Variants in ARRB1 observed in about 807,000 individuals in gnomAD.
ARRB1 encodes the protein arrestin beta 1.
In ARRB1, 21 loss-of-function variants were observed where a neutral mutation model predicts 56.8. The ratio of observed to expected loss-of-function variants is 0.37; its 90% CI spans 0.26 to 0.53. The LOEUF (loss-of-function observed/expected upper bound fraction) is 0.53. ARRB1 is among the 20% of genes least tolerant of loss of function. ARRB1 has a pLI of 0.88. For synonymous variants in ARRB1, 210 were observed against 218.6 expected, an observed-to-expected ratio of 0.96 and a Z score of 0.35; for missense variants, 424 against 553.7, an observed-to-expected ratio of 0.77 and a Z score of 2.35.
chr11:75,332,816 A>G (rs957353461), intron 1 of ARRB1, among the ~76,000 whole-genome samples: 2 of 151,700 alleles, frequency 1.3e-5, no homozygotes, highest in African/African-American at 4.8e-5. Flanking sequence ...AATCACTTGA[A>G]CCCGGGAGGC....
chr11:75,302,567 A>G (rs1946929496), intron 1 of ARRB1, among the ~76,000 whole-genome samples: 1 of 152,208 alleles, frequency 6.6e-6, no homozygotes, highest in Non-Finnish European at 1.5e-5. Context: ...GCTGGCAGCC[A>G]AAAGGGCCCA....
At chr11:75,320,516 C>CTGGATAGCCCCACCAGAGA (rs1371273493) in intron 1 of ARRB1, among the ~76,000 whole-genome samples, 2 of 152,126 alleles carry the variant, frequency 1.3e-5, no homozygotes, top group Non-Finnish European at 2.9e-5. Flanking sequence ...GCTTGGGGGG[C>CTGGATAGCCCCACCAGAGA]TGGATAGCCC....
chr11:75,331,080 C>A (rs1489739274), intron 1 of ARRB1, among the ~76,000 whole-genome samples: 2 of 152,222 alleles, frequency 1.3e-5, no homozygotes, highest in South Asian at 4.1e-4. Flanking sequence ...GGCGCGATCT[C>A]GGCTTACCGC....
chr11:75,348,540 C>A (rs559548172), intron 1 of ARRB1, among the ~76,000 whole-genome samples: 1 of 152,258 alleles, frequency 6.6e-6, no homozygotes, highest in African/African-American at 2.4e-5. Context: ...TGATTGTTCC[C>A]AGAGCACCTT....
intron 1 of ARRB1, among the ~76,000 whole-genome samples, chr11:75,323,942 G>A (rs17133921): frequency 0.1 from 15,899 of 152,076 alleles, 1,044 homozygotes; most frequent in African/African-American, 0.18. Flanking sequence ...GAGATACTAC[G>A]AGTTAATAGC....
chr11:75,274,975 C>A (rs1302055942), intron 10 of ARRB1: 1 of 151,838 alleles, frequency 6.6e-6, no homozygotes, highest in Admixed American at 6.6e-5. Context: ...GTGGTGCACA[C>A]CTGTAGTCCT....
intron 1 of ARRB1, among the ~76,000 whole-genome samples, chr11:75,326,351 C>G (rs1378517265): frequency 4.6e-5 from 7 of 152,230 alleles, no homozygotes; most frequent in African/African-American, 1.7e-4. Context: ...GTGATAACAA[C>G]AGCAGCTAAC....
Position 75,260,368 on chromosome 11 carries a change from C to T in ARRB1, c.*5795G>A, listed in dbSNP as rs1443865564. On this transcript the variant is annotated 3_prime_UTR_variant, in exon 16 of 16. Transcript: ENST00000420843. ...CCAGGACACAACCCATGCAGGCCCC[C>T]ATTCCATAGGAAGAGGCAGGTCCCA... The T allele has an allele frequency of 6.6e-6, 1 of 152,268 alleles. No homozygotes were observed. Among genetic ancestry groups the T allele is most frequent in the African/African-American group, 2.4e-5 (1 of 41,462 alleles). The allele number at this position is 152,268 out of a possible 1,614,324, so 9.4% of individuals were successfully genotyped here. A position where few individuals can be genotyped will look rare whatever the true frequency, so the allele number is the denominator to read the frequency against.
chr11:75,266,616 G>A (rs1428138513), intron 15 of ARRB1, among the ~76,000 whole-genome samples: 1 of 152,178 alleles, frequency 6.6e-6, no homozygotes, highest in Non-Finnish European at 1.5e-5. Context: ...GCCAGAGGAA[G>A]GACTTATTCC....
intron 2 of ARRB1, among the ~76,000 whole-genome samples, chr11:75,288,041 A>C (rs1946523545): frequency 6.6e-6 from 1 of 151,956 alleles, no homozygotes; most frequent in Non-Finnish European, 1.5e-5. Flanking sequence ...TTTTGCATTT[A>C]TAGTAGAGAT....
chr11:75,309,154 C>T (rs1384242775), intron 1 of ARRB1, among the ~76,000 whole-genome samples: 2 of 152,242 alleles, frequency 1.3e-5, no homozygotes, highest in Non-Finnish European at 2.9e-5. Context: ...CTGGGGAGGC[C>T]AGAGGCCCAC....
Position 75,267,689 on chromosome 11 carries a change from T to A in ARRB1, c.1108A>T (p.Thr370Ser), listed in dbSNP as rs373898995. 64 of 1,466,900 alleles carry A rather than the reference T, an allele frequency of 4.4e-5. No individual in the cohort carries two copies. The African/African-American group carries it at 7.0e-4, about 16-fold the overall frequency. The allele number at this position is 1,466,900 out of a possible 1,614,324, so 90.9% of individuals were successfully genotyped here. A position where few individuals can be genotyped will look rare whatever the true frequency, so the allele number is the denominator to read the frequency against. Residue 370 changes from threonine to serine, a missense_variant, in exon 15 of 16, where the codon ACG (threonine) becomes TCG (serine). This residue lies in a region of ARRB1 where 121 missense variants were observed against 147.3 expected (regional missense o/e 0.82). Coordinates refer to ENST00000420843, the MANE Select transcript of ARRB1 (RefSeq NM_004041.5). ...PPHREVPENE[T>S]PVDTNLIELD... ...TCTATGAGATTGGTATCTACTGGCG[T>A]CTCGTTCTCTGGAACTAAACACAGG...
In ARRB1 at chr11:75,274,126, C is replaced by G; in HGVS notation, c.862G>C (p.Ala288Pro). ...LANNREKRGLALDGKLKHEDT... is the reference protein window; with the variant it reads ...LANNREKRGLPLDGKLKHEDT... The stretch of plus-strand genomic sequence containing the variant: ...TCGTGCTTGAGCTTCCCGTCCAAGG[C>G]GAGGCCCCGCTTCTCTCGGTTATTG... Residue 288 changes from alanine to proline, a missense_variant, in exon 11 of 16, where the codon GCC becomes CCC. Ala to Pro is a conservative substitution (Grantham distance 27). Coordinates refer to ENST00000420843, the MANE Select transcript of ARRB1 (RefSeq NM_004041.5). 1 of 1,614,156 alleles carries G rather than the reference C, an allele frequency of 6.2e-7. No individual in the cohort carries two copies. Among genetic ancestry groups the G allele is most frequent in the Non-Finnish European group, 8.5e-7 (1 of 1,180,012 alleles).
chr11:75,283,248 C>A (rs200582118), intron 5 of ARRB1, 39 bp downstream of exon 5: 1 of 1,559,180 alleles, frequency 6.4e-7, no homozygotes, highest in Admixed American at 1.8e-5. Context: ...CTAGAGGTGG[C>A]ATTTCTGGAA....
chr11:75,342,111 G>A (rs187835763), intron 1 of ARRB1, among the ~76,000 whole-genome samples: 12 of 152,358 alleles, frequency 7.9e-5, no homozygotes, highest in African/African-American at 2.9e-4. Flanking sequence ...CAGGGACAGT[G>A]AAGAAGTGAG....
chr11:75,311,960 C>T (rs902824361), intron 1 of ARRB1: 1 of 1,120,784 alleles, frequency 8.9e-7, no homozygotes, highest in African/African-American at 1.6e-5. Context: ...AGGAACCAAG[C>T]AGCAGGGCCT....
chr11:75,294,923 G>C (rs1946695741), intron 1 of ARRB1, among the ~76,000 whole-genome samples: 1 of 151,936 alleles, frequency 6.6e-6, no homozygotes. Flanking sequence ...ACACTTAGTG[G>C]CCTAAACCAA....
intron 1 of ARRB1, among the ~76,000 whole-genome samples, chr11:75,348,556 A>G (rs528378909): frequency 6.6e-6 from 1 of 152,132 alleles, no homozygotes; most frequent in East Asian, 1.9e-4. Flanking sequence ...ACCTTGCAGC[A>G]ACCATCATAC....
At chr11:75,301,330 C>T (rs1351996195) in intron 1 of ARRB1, among the ~76,000 whole-genome samples, 1 of 152,154 alleles carries the variant, frequency 6.6e-6, no homozygotes, top group East Asian at 1.9e-4. Context: ...GGAGGAGCCC[C>T]AGGGGAAGAG....
Sources: allele counts gnomAD v4.1 joint callset (sites outside exome capture counted in the v4.1 genomes callset), GRCh38; gene constraint gnomAD v4.1.1; regional missense constraint gnomAD v4.1.1; transcripts MANE v1.5; gene names NCBI Gene and HGNC (gene_info 2026-07-23, HGNC 2026-07-21).